Variants in RABL6 observed in about 807,000 individuals in gnomAD.
RABL6 encodes RAB, member RAS oncogene family like 6, also known as rab-like protein 6.
In RABL6, 28 loss-of-function variants were observed where a neutral mutation model predicts 72.9. The observed-to-expected ratio is 0.38, with a 90% confidence interval of 0.28 to 0.53. The LOEUF (loss-of-function observed/expected upper bound fraction) is 0.53. RABL6 is among the 20% of genes least tolerant of loss of function. RABL6 has a pLI of 0.80. For missense variants in RABL6, 1,029 were observed against 1,008.4 expected (o/e 1.02, Z -0.28); for synonymous variants, 477 against 421.2 (o/e 1.13, Z -1.62).
Position 136,829,500 on chromosome 9 carries a change from CGGGG to C in RABL6, c.458+18_458+21del. The stretch of plus-strand genomic sequence containing the variant: ...CCAAGCAGTGGTAAGAGGGAGCTGG[CGGGG>C]GCAGCTGCCTGTGACTCTCACCCCC... On this transcript the variant is annotated intron_variant, in intron 5 of 14. Coordinates refer to ENST00000311502, the MANE Select transcript of RABL6 (RefSeq NM_024718.5). 6.4e-7 allele frequency: 1 copy of C among 1,561,770 alleles called. No individual in the cohort carries two copies. Among genetic ancestry groups the C allele is most frequent in the Non-Finnish European group, 8.7e-7 (1 of 1,152,554 alleles).
chr9:136,818,406 C>CAAAAA (rs1218807208), intron 1 of RABL6, among the ~76,000 whole-genome samples: 1 of 11,676 alleles, frequency 8.6e-5, no homozygotes, highest in African/African-American at 5.1e-4. Flanking sequence ...AAAAAAAAAC[C>CAAAAA]AAAGGTAAGC....
chr9:136,838,936 G>C lies in RABL6; in HGVS notation c.1308G>C (p.Pro436=). 1 of 1,605,082 alleles carries C rather than the reference G, an allele frequency of 6.2e-7. No homozygotes were observed. The highest frequency in any genetic ancestry group is 8.5e-7 in the Non-Finnish European group (1 of 1,175,638). Residue 436 remains proline, a synonymous_variant, in exon 11 of 15, where the codon CCG becomes CCC. Transcript: ENST00000311502. ...DSDGEALGGN[P]MVAGFQDDVD... is the part of the protein sequence containing the mutation. Reference sequence around the variant, plus strand: ...ATGGGGAGGCCCTGGGCGGCAACCCGATGGTGGCAGGGTTCCAGGACGATG... The same window carrying C: ...ATGGGGAGGCCCTGGGCGGCAACCCCATGGTGGCAGGGTTCCAGGACGATG...
chr9:136,825,267 G>A (rs1241669887), intron 2 of RABL6, among the ~76,000 whole-genome samples: 2 of 152,276 alleles, frequency 1.3e-5, no homozygotes, highest in African/African-American at 2.4e-5. Flanking sequence ...TGAAGAAACA[G>A]GGTCAGAAGG....
chr9:136,841,044 G>A lies in RABL6; in HGVS notation c.*522G>A, dbSNP rs897307569. The stretch of plus-strand genomic sequence containing the variant: ...AGGCTGGCGAGACCGAAGGCAGCAT[G>A]TGAGGCCTCTCCTGGGAGTGGGGGT... On this transcript the variant is annotated 3_prime_UTR_variant, in exon 15 of 15. Transcript: ENST00000311502. The A allele has an allele frequency of 1.4e-6, 2 of 1,426,726 alleles. No homozygotes were observed. Among genetic ancestry groups the A allele is most frequent in the Non-Finnish European group, 9.2e-7 (1 of 1,089,860 alleles). 88.4% of individuals were successfully genotyped at this position (1,426,726 alleles called of 1,614,324 possible). A position where few individuals can be genotyped will look rare whatever the true frequency, so the allele number is the denominator to read the frequency against.
rs1421108123 is a variant in RABL6, at chr9:136,825,718, G to A, written c.266-61G>A. 49 of 1,560,812 alleles carry A rather than the reference G, an allele frequency of 3.1e-5. No homozygotes were observed. In the East Asian group the frequency reaches 9.0e-4, roughly 29 times the overall value. ...CACAGACAACCACACCAGCTGGACCGCTTTGTGCCACCTTGGGAACTTCAT... is the reference window on the plus strand; with the variant it reads ...CACAGACAACCACACCAGCTGGACCACTTTGTGCCACCTTGGGAACTTCAT... On this transcript the variant is annotated intron_variant, in intron 2 of 14. Transcript: ENST00000311502.
At chr9:136,840,275 C>T (rs769502095) in intron 14 of RABL6, 47 bp from the exon 15 acceptor site, 2 of 1,610,734 alleles carry the variant, frequency 1.2e-6, no homozygotes, top group Non-Finnish European at 8.5e-7. Flanking sequence ...GGGACCAGGG[C>T]TGTGGCTTCC....
At chr9:136,834,068 T>C (rs750163484) in intron 7 of RABL6, 1 of 1,433,926 alleles carries the variant, frequency 7.0e-7, no homozygotes, top group Non-Finnish European at 9.2e-7. Context: ...ATCCTTTTGC[T>C]ATGGATGTGT....
chr9:136,840,723 CAAG>C lies in RABL6; in HGVS notation c.*205_*207del. On this transcript the variant is annotated 3_prime_UTR_variant, in exon 15 of 15. Transcript: ENST00000311502. ...TCAGGCCCAGTGTGAGCCTGCTCTGCAAGAAGGGAGGGGACAGCTGGCTTCAGC... is the reference window on the plus strand; with the variant it reads ...TCAGGCCCAGTGTGAGCCTGCTCTGCAAGGGAGGGGACAGCTGGCTTCAGC... 3.9e-6 allele frequency: 6 copies of C among 1,548,622 alleles called. No individual in the cohort carries two copies. Among genetic ancestry groups the C allele is most frequent in the Non-Finnish European group, 5.2e-6 (6 of 1,146,822 alleles).
In RABL6 at chr9:136,840,670, C is replaced by G; in HGVS notation, c.*148C>G. 1 of 1,549,366 alleles carries G rather than the reference C, an allele frequency of 6.5e-7. No individual in the cohort carries two copies. Reference sequence around the variant, plus strand: ...GAAGAGGCCGGGCATTGGTGGTCCCCAGGCTGGGCCCTGCAGGTGCTGGGC... The same window carrying G: ...GAAGAGGCCGGGCATTGGTGGTCCCGAGGCTGGGCCCTGCAGGTGCTGGGC... On this transcript the variant is annotated 3_prime_UTR_variant, in exon 15 of 15. Coordinates refer to ENST00000311502, the MANE Select transcript of RABL6 (RefSeq NM_024718.5).
chr9:136,832,003 C>T (rs1191889389), intron 6 of RABL6, 142 bp downstream of exon 6: 1 of 1,277,066 alleles, frequency 7.8e-7, no homozygotes, highest in Admixed American at 2.7e-5. Flanking sequence ...GTGGGGCTCA[C>T]TGAAGCCTGG....
chr9:136,836,784 A>C, intron 8 of RABL6: 1 of 187,894 alleles, frequency 5.3e-6, no homozygotes, highest in Non-Finnish European at 1.1e-5. Context: ...TGGAGCCCCC[A>C]ACAGCTGTGC....
At chr9:136,833,009 T>G (rs1484247688) in intron 7 of RABL6, 3 of 334,176 alleles carry the variant, frequency 9.0e-6, no homozygotes, top group Non-Finnish European at 1.7e-5. Context: ...CTGCCCTGAC[T>G]GGGTCTGGGG....
chr9:136,811,073 T>A (rs1405395308), intron 1 of RABL6, among the ~76,000 whole-genome samples: 1 of 152,142 alleles, frequency 6.6e-6, no homozygotes, highest in East Asian at 1.9e-4. Context: ...TGGACCATAA[T>A]GGATGAAAAA....
chr9:136,821,909 G>A (rs978249775), intron 1 of RABL6: 17 of 1,283,794 alleles, frequency 1.3e-5, no homozygotes, highest in Middle Eastern at 5.9e-4. Context: ...TGGCCGTGAG[G>A]GCGCCTGGGT....
At chr9:136,825,371 C>A (rs1334507062) in intron 2 of RABL6, among the ~76,000 whole-genome samples, 2 of 144,738 alleles carry the variant, frequency 1.4e-5, no homozygotes, top group African/African-American at 5.1e-5. Context: ...GGGTCCCCTT[C>A]CAGTATGCTG....
At chr9:136,832,590 C>T in intron 7 of RABL6, 2 of 618,670 alleles carry the variant, frequency 3.2e-6, no homozygotes, top group South Asian at 1.8e-5. Context: ...GGAGCCCCTC[C>T]ACCTCTGCGG....
At chr9:136,817,254 TC>T (rs1444855919) in intron 1 of RABL6, among the ~76,000 whole-genome samples, 1 of 151,996 alleles carries the variant, frequency 6.6e-6, no homozygotes, top group Non-Finnish European at 1.5e-5. Context: ...CAGTACAAGT[TC>T]CAGAAGGAGA....
In RABL6 at chr9:136,828,539, C is replaced by T; in HGVS notation, c.359C>T (p.Pro120Leu). 6.2e-7 allele frequency: 1 copy of T among 1,613,228 alleles called. No individual in the cohort carries two copies. Among genetic ancestry groups the T allele is most frequent in the South Asian group, 1.1e-5 (1 of 91,048 alleles). ...RGDGLKMEND[P>L]QEAESEMALD... ...GACGGCTTAAAGATGGAGAACGACC[C>T]CCAGGAGGTGAGTGCCAGGTACACA... The change falls in exon 4 of 15, where the codon CCC (proline) becomes CTC (leucine). Residue 120 changes from proline (P) to leucine (L), a missense_variant. Physicochemically the swap from Pro to Leu is moderately conservative, Grantham distance 98. Transcript: ENST00000311502.
At chr9:136,838,562 C>T (rs1041827430) in intron 10 of RABL6, among the ~76,000 whole-genome samples, 4 of 152,272 alleles carry the variant, frequency 2.6e-5, no homozygotes, top group African/African-American at 4.8e-5. Context: ...CTCAGCCTCA[C>T]CCATTGCTGT....
Sources: gnomAD v4.1 joint callset for allele counts (sites outside exome capture counted in the v4.1 genomes callset) on GRCh38, gnomAD v4.1.1 for gene constraint, MANE v1.5 for transcripts, NCBI Gene and HGNC (gene_info 2026-07-23, HGNC 2026-07-21) for gene names.